The following PRKN variants were observed in gnomAD, a reference collection of about 807,000 sequenced individuals.
PRKN encodes the protein E3 ubiquitin-protein ligase parkin.
PRKN carries 56 observed loss-of-function variants against 59.5 expected under a neutral mutation model. The ratio of observed to expected loss-of-function variants is 0.94; its 90% confidence interval spans 0.76 to 1.18. The LOEUF is 1.18. Among genes scored for constraint, PRKN ranks in the 50% most tolerant of loss-of-function variants. The pLI is 0.00. For missense variants in PRKN, 657 were observed against 596.4 expected (o/e 1.10, Z -1.06); for synonymous variants, 250 against 222.1 (o/e 1.13, Z -1.12).
intron 4 of PRKN, among the ~76,000 whole-genome samples, chr6:162,141,304 A>T (rs1228863567): frequency 6.6e-6 from 1 of 152,168 alleles, no homozygotes; most frequent in Non-Finnish European, 1.5e-5. Flanking sequence ...AAAAATTATC[A>T]AAAGTATCTA....
At position 162,584,888 on chromosome 6, in the gene PRKN, TCCCC is replaced by T. The variant is rs1469242873; in HGVS notation, c.8-141419_8-141416del. Among the ~76,000 whole-genome samples, 6 of 56,144 alleles carry T rather than the reference TCCCC, an allele frequency of 1.1e-4. 1 individual carries two copies. Among genetic ancestry groups the T allele is most frequent in the Non-Finnish European group, 1.0e-4 (3 of 29,556 alleles). 36.8% of individuals were successfully genotyped at this position (56,144 alleles called of 152,430 possible). On this transcript the variant is annotated intron_variant, in intron 1 of 11. Coordinates refer to ENST00000366898, the MANE Select transcript of PRKN (RefSeq NM_004562.3). ...TCCCCTCCCCTCCCCTCCCCTCCCC[TCCCC>T]TCCCCTCTCCTCTTCTCTTTTCTTT...
intron 7 of PRKN, among the ~76,000 whole-genome samples, chr6:161,719,524 G>T (rs565114347): frequency 4.6e-5 from 7 of 152,252 alleles, no homozygotes; most frequent in African/African-American, 1.7e-4. Context: ...TATCATGTGT[G>T]ATTATGGACA....
At chr6:162,286,091 G>C (rs184904688) in intron 2 of PRKN, among the ~76,000 whole-genome samples, 27 of 152,188 alleles carry the variant, frequency 1.8e-4, no homozygotes, top group Non-Finnish European at 3.5e-4. Context: ...ACTTTCTAGA[G>C]ATTACTCTGC....
chr6:162,051,631 T>C (rs1249233531), intron 5 of PRKN, among the ~76,000 whole-genome samples: 1 of 152,092 alleles, frequency 6.6e-6, no homozygotes, highest in African/African-American at 2.4e-5. Flanking sequence ...TGTGAGGCCT[T>C]CGGGGGCGAT....
intron 2 of PRKN, among the ~76,000 whole-genome samples, chr6:162,434,565 TG>T (rs1314151820): frequency 2.0e-5 from 3 of 152,214 alleles, no homozygotes; most frequent in African/African-American, 7.2e-5. Context: ...CCCATTTAAT[TG>T]TGTTTTCTGT....
intron 1 of PRKN, among the ~76,000 whole-genome samples, chr6:162,614,419 T>A (rs1211318011): frequency 6.6e-6 from 1 of 152,226 alleles, no homozygotes; most frequent in Non-Finnish European, 1.5e-5. Context: ...ATTGCCCTTG[T>A]AAAATAATTT....
In PRKN at chr6:162,727,696, C is replaced by T. The variant is rs767676008; in HGVS notation, c.-28G>A. 7 of 1,567,330 alleles carry T rather than the reference C, an allele frequency of 4.5e-6. No homozygotes were observed. Among genetic ancestry groups the T allele is most frequent in the African/African-American group, 2.7e-5 (2 of 73,668 alleles). ...TCACTGGGTAGGTGGCGGCTGCGGG[C>T]CAGGAACAGGCCCATGCGCGCAGCG... is the stretch of plus-strand genomic sequence containing the variant. On this transcript the variant is annotated 5_prime_UTR_variant, in exon 1 of 12. Transcript: ENST00000366898.
chr6:161,781,044 A>G (rs1336327548), intron 7 of PRKN, among the ~76,000 whole-genome samples: 2 of 152,248 alleles, frequency 1.3e-5, no homozygotes, highest in African/African-American at 2.4e-5. Flanking sequence ...GGCTGAAGCT[A>G]TGAAGAAACA....
chr6:162,654,050 T>G (rs1371518353), intron 1 of PRKN, among the ~76,000 whole-genome samples: 1 of 152,188 alleles, frequency 6.6e-6, no homozygotes, highest in Non-Finnish European at 1.5e-5. Flanking sequence ...TTCACATTAT[T>G]TGAGCCTATC....
chr6:162,101,330 A>T (rs1214695734), intron 4 of PRKN, among the ~76,000 whole-genome samples: 2 of 151,454 alleles, frequency 1.3e-5, no homozygotes, highest in Admixed American at 1.3e-4. Flanking sequence ...CTTATGGAAG[A>T]GACAGTACTT....
intron 7 of PRKN, among the ~76,000 whole-genome samples, chr6:161,678,696 C>T (rs1785185320): frequency 6.6e-6 from 1 of 151,284 alleles, no homozygotes; most frequent in Non-Finnish European, 1.5e-5. Context: ...TCCCGAGTAG[C>T]TGGGGTTACA....
intron 4 of PRKN, among the ~76,000 whole-genome samples, chr6:162,119,244 C>T (rs565579556): frequency 7.9e-5 from 12 of 152,240 alleles, no homozygotes; most frequent in African/African-American, 2.2e-4. Context: ...AGGAAGTGCT[C>T]GGTAATCCTG....
At position 161,484,685 on chromosome 6, in the gene PRKN, C is replaced by T. The variant is rs1791571243; in HGVS notation, c.1083+64169G>A. ...TGAGACCAGGCCATTCTCACGGGCC[C>T]GTTGTGGGCACTGCATGGTGTTTGG... On this transcript the variant is annotated intron_variant, in intron 9 of 11. Transcript: ENST00000366898. This position sits in a 1 kb window ranked among gnomAD's most constrained non-coding sequence, Gnocchi z 4.9. Among the ~76,000 whole-genome samples, 2 of 152,130 alleles carry T rather than the reference C, an allele frequency of 1.3e-5. No homozygotes were observed. Among genetic ancestry groups the T allele is most frequent in the Admixed American group, 6.5e-5 (1 of 15,274 alleles).
At chr6:161,476,728 G>C (rs1056968647) in intron 9 of PRKN, among the ~76,000 whole-genome samples, 3 of 152,200 alleles carry the variant, frequency 2.0e-5, no homozygotes, top group African/African-American at 7.2e-5. Context: ...CGATTTCTGA[G>C]AACACTGGAG....
intron 7 of PRKN, among the ~76,000 whole-genome samples, chr6:161,639,235 G>C (rs984376518): frequency 6.6e-6 from 1 of 152,152 alleles, no homozygotes; most frequent in African/African-American, 2.4e-5. Context: ...TTAGCAGTGT[G>C]AGAATGGACA....
chr6:161,942,053 T>C (rs544871954), intron 6 of PRKN, among the ~76,000 whole-genome samples: 1 of 152,154 alleles, frequency 6.6e-6, no homozygotes. Flanking sequence ...AAACAAAGAT[T>C]TACATTCCTA....
chr6:162,672,516 A>G (rs1436112025), intron 1 of PRKN, among the ~76,000 whole-genome samples: 1 of 152,228 alleles, frequency 6.6e-6, no homozygotes, highest in East Asian at 1.9e-4. Context: ...TATCTTCTAT[A>G]AAACTATGAG....
chr6:162,013,232 C>T (rs1354755200), intron 5 of PRKN, among the ~76,000 whole-genome samples: 1 of 152,222 alleles, frequency 6.6e-6, no homozygotes, highest in East Asian at 1.9e-4. Context: ...ACTGGGTTAA[C>T]ATCTATTGGT....
At chr6:162,002,096 C>T (rs377671548) in intron 5 of PRKN, among the ~76,000 whole-genome samples, 6 of 151,946 alleles carry the variant, frequency 3.9e-5, no homozygotes, top group Admixed American at 2.6e-4. Flanking sequence ...TATACGCATG[C>T]AAGATCTTGG....
Sources: gnomAD v4.1 joint callset for allele counts (sites outside exome capture counted in the v4.1 genomes callset) on GRCh38, gnomAD v4.1.1 for gene constraint, Gnocchi (gnomAD v3.1) non-coding constraint, MANE v1.5 for transcripts, NCBI Gene and HGNC (gene_info 2026-07-23, HGNC 2026-07-21) for gene names.